Variants in TENM2 observed in about 807,000 individuals in gnomAD.
TENM2 encodes the protein teneurin transmembrane protein 2, also known as teneurin-2.
Under a neutral mutation model 245.2 loss-of-function variants are expected in TENM2, and 52 were observed. That is an observed-to-expected ratio of 0.21 (90% CI 0.17 to 0.27). TENM2 has a LOEUF of 0.27. Ranked by LOEUF, TENM2 falls within the 10% of genes least tolerant of loss-of-function variation. The pLI, the probability that TENM2 is intolerant of heterozygous loss-of-function variation, is 1.00. For missense variants in TENM2, 3,046 were observed against 3,666.8 expected, an observed-to-expected ratio of 0.83 and a Z score of 4.37; for synonymous variants, 1,363 against 1,438.9, an observed-to-expected ratio of 0.95 and a Z score of 1.19.
chr5:167,730,133 G>A (rs942850960), intron 2 of TENM2, among the ~76,000 whole-genome samples: 5 of 152,124 alleles, frequency 3.3e-5, no homozygotes, highest in African/African-American at 4.8e-5. Flanking sequence ...GCCTTCAACC[G>A]GAACTACTGA....
chr5:168,188,253 C>T (rs574721926), intron 13 of TENM2, among the ~76,000 whole-genome samples: 35 of 152,266 alleles, frequency 2.3e-4, no homozygotes, highest in African/African-American at 8.2e-4. Context: ...TCTGATTCAG[C>T]GTTCCAGTAC....
chr5:167,438,999 A>G lies in TENM2; in HGVS notation c.502+63526A>G, dbSNP rs146842693. 1.7e-4 allele frequency among the ~76,000 whole-genome samples: 26 copies of G among 151,280 alleles called. No individual in the cohort carries two copies. In the East Asian group the frequency reaches 5.2e-3, roughly 30 times the overall value. On this transcript the variant is annotated intron_variant, in intron 2 of 28. Transcript: ENST00000518659. ...TAGTAGAAACGCGTTTCACTATGTT[A>G]GCCAGGCTAGTCTCAAACTCCTGAC...
At chr5:167,755,970 A>G (rs956492771) in intron 2 of TENM2, among the ~76,000 whole-genome samples, 1 of 152,036 alleles carries the variant, frequency 6.6e-6, no homozygotes, top group African/African-American at 2.4e-5. Context: ...AAGTATCTTC[A>G]CTGTATTATT....
intron 10 of TENM2, among the ~76,000 whole-genome samples, chr5:168,120,567 T>C (rs1047775850): frequency 1.3e-5 from 2 of 152,214 alleles, no homozygotes; most frequent in African/African-American, 4.8e-5. Flanking sequence ...TTCTCAACTT[T>C]CTCACTATCC....
At chr5:167,104,693 T>A in the TENM2 span, among the ~76,000 whole-genome samples, 1 of 152,200 alleles carries the variant, frequency 6.6e-6, no homozygotes, top group South Asian at 2.1e-4. Flanking sequence ...ACATTAATAT[T>A]CCCTATGAGG....
At chr5:167,472,745 G>A (rs1767117196) in intron 2 of TENM2, among the ~76,000 whole-genome samples, 1 of 152,124 alleles carries the variant, frequency 6.6e-6, no homozygotes, top group Non-Finnish European at 1.5e-5. Context: ...CAGTTTAATT[G>A]GTTCTGCTAT....
intron 4 of TENM2, among the ~76,000 whole-genome samples, chr5:167,991,134 C>T (rs1488596303): frequency 2.6e-5 from 4 of 152,168 alleles, no homozygotes; most frequent in Non-Finnish European, 4.4e-5. Context: ...GGTTTAGTTG[C>T]AAGTAAAACA....
the TENM2 span, among the ~76,000 whole-genome samples, chr5:167,208,947 G>T: frequency 6.6e-6 from 1 of 152,164 alleles, no homozygotes; most frequent in Non-Finnish European, 1.5e-5. Context: ...TTTCAGCCTT[G>T]GATAGGAGGA....
chr5:167,543,801 A>G (rs764981802), intron 2 of TENM2, among the ~76,000 whole-genome samples: 20 of 152,222 alleles, frequency 1.3e-4, no homozygotes, highest in Non-Finnish European at 2.6e-4. Flanking sequence ...CAGTCGCAGC[A>G]TTCCAAGCTG....
chr5:167,190,499 G>T, the TENM2 span, among the ~76,000 whole-genome samples: 1 of 152,084 alleles, frequency 6.6e-6, no homozygotes, highest in South Asian at 2.1e-4. Flanking sequence ...GAAAACCTTT[G>T]CAAAAGTCTT....
chr5:167,963,525 T>C (rs1031903335), intron 4 of TENM2, among the ~76,000 whole-genome samples: 3 of 152,222 alleles, frequency 2.0e-5, no homozygotes, highest in Non-Finnish European at 4.4e-5. Flanking sequence ...GTCACCATTT[T>C]TGAAAATGTG....
At chr5:167,997,827 C>T (rs956301685) in intron 5 of TENM2, among the ~76,000 whole-genome samples, 2 of 152,210 alleles carry the variant, frequency 1.3e-5, no homozygotes, top group African/African-American at 4.8e-5. Flanking sequence ...TGTTTGATTA[C>T]ATTACAGCTT....
chr5:167,148,237 T>C, the TENM2 span, among the ~76,000 whole-genome samples: 1 of 152,212 alleles, frequency 6.6e-6, no homozygotes, highest in Middle Eastern at 3.2e-3. Context: ...TCCTTGTGTA[T>C]GAAAGAGCAA....
At chr5:167,466,419 A>G (rs1766656543) in intron 2 of TENM2, among the ~76,000 whole-genome samples, 1 of 152,224 alleles carries the variant, frequency 6.6e-6, no homozygotes, top group Admixed American at 6.5e-5. Context: ...CAGAAAAGTA[A>G]ATTGAATTAA....
intron 2 of TENM2, among the ~76,000 whole-genome samples, chr5:167,758,655 T>C (rs1444053831): frequency 6.6e-6 from 1 of 152,176 alleles, no homozygotes; most frequent in Non-Finnish European, 1.5e-5. Context: ...TTATAAGCAC[T>C]TGCTGGTTGT....
At chr5:167,984,894 G>C (rs566050364) in intron 4 of TENM2, among the ~76,000 whole-genome samples, 2 of 152,008 alleles carry the variant, frequency 1.3e-5, no homozygotes, top group Non-Finnish European at 2.9e-5. Context: ...TCTGTCTCAG[G>C]ACCCTGCCCC....
chr5:167,322,165 G>A (rs1756793423), intron 1 of TENM2, among the ~76,000 whole-genome samples: 1 of 151,194 alleles, frequency 6.6e-6, no homozygotes, highest in Admixed American at 6.6e-5. Context: ...TTGACACTCT[G>A]ATTTGTGTGT....
intron 2 of TENM2, among the ~76,000 whole-genome samples, chr5:167,440,325 A>G (rs1238878487): frequency 6.6e-6 from 1 of 152,210 alleles, no homozygotes; most frequent in Non-Finnish European, 1.5e-5. Context: ...GAACTAGGAC[A>G]ATGATCCTAA....
the TENM2 span, among the ~76,000 whole-genome samples, chr5:167,232,364 C>G: frequency 6.7e-6 from 1 of 148,860 alleles, no homozygotes; most frequent in South Asian, 2.1e-4. Flanking sequence ...TCCATTAAAC[C>G]TCTTTTCTTT....
Sources: gnomAD v4.1 joint callset for allele counts (sites outside exome capture counted in the v4.1 genomes callset) on GRCh38, gnomAD v4.1.1 for gene constraint, MANE v1.5 for transcripts, NCBI Gene and HGNC (gene_info 2026-07-23, HGNC 2026-07-21) for gene names.